The following GREB1L variants were observed in gnomAD, a reference collection of about 807,000 sequenced individuals.
The protein encoded by GREB1L is GREB1-like protein.
In GREB1L, 17 loss-of-function variants were observed where a neutral mutation model predicts 200.8. The observed-to-expected ratio is 0.08, with a 90% CI of 0.06 to 0.13. GREB1L has a LOEUF of 0.13. GREB1L is among the 10% of genes least tolerant of loss of function. The pLI, the probability that GREB1L is intolerant of heterozygous loss-of-function variation, is 1.00. For synonymous variants in GREB1L, 789 were observed against 893.0 expected (o/e 0.88, Z 2.08); for missense variants, 1,657 against 2,367.7 (o/e 0.70, Z 6.23).
At position 21,242,364 on chromosome 18, in the gene GREB1L, T is replaced by A. The variant is rs1426489716; in HGVS notation, c.-149T>A. On this transcript the variant is annotated 5_prime_UTR_variant, in exon 1 of 33. Coordinates refer to ENST00000424526, the MANE Select transcript of GREB1L (RefSeq NM_001142966.3). ...GGCCGAGCCGAGGGCCACCCCCTGG[T>A]CCTCTGCCCTCGCGCCCCGCTAGGG... The A allele has an allele frequency of 6.6e-6, 1 of 151,840 alleles. No homozygotes were observed. Among genetic ancestry groups the A allele is most frequent in the Non-Finnish European group, 1.5e-5 (1 of 67,990 alleles). 9.4% of individuals were successfully genotyped at this position (151,840 alleles called of 1,614,324 possible). A position where few individuals can be genotyped will look rare whatever the true frequency, so the allele number is the denominator to read the frequency against.
chr18:21,383,060 GCCTTTTTC>G (rs2040390177), intron 2 of GREB1L, among the ~76,000 whole-genome samples: 1 of 151,984 alleles, frequency 6.6e-6, no homozygotes, highest in South Asian at 2.1e-4. Context: ...CCAGAAGAGA[GCCTTTTTC>G]CCCCATCTAG....
chr18:21,480,500 C>A (rs1203242077), intron 17 of GREB1L, among the ~76,000 whole-genome samples: 1 of 151,966 alleles, frequency 6.6e-6, no homozygotes, highest in Non-Finnish European at 1.5e-5. Flanking sequence ...GAAATCATCC[C>A]TGAAATTGAG....
At chr18:21,284,255 A>G (rs554593268) in intron 1 of GREB1L, among the ~76,000 whole-genome samples, 4 of 152,252 alleles carry the variant, frequency 2.6e-5, no homozygotes, top group Non-Finnish European at 5.9e-5. Context: ...ACAGAGTTGC[A>G]CAACCATGAT....
intron 1 of GREB1L, among the ~76,000 whole-genome samples, chr18:21,338,359 T>C (rs1446426647): frequency 6.6e-6 from 1 of 152,264 alleles, no homozygotes; most frequent in African/African-American, 2.4e-5. Flanking sequence ...GAGTGTTTCA[T>C]TGGCCACACC....
intron 1 of GREB1L, among the ~76,000 whole-genome samples, chr18:21,314,359 C>A (rs1473708020): frequency 6.6e-6 from 1 of 152,010 alleles, no homozygotes; most frequent in Non-Finnish European, 1.5e-5. Context: ...AGCGTGGAAA[C>A]TTTCACAGTT....
intron 31 of GREB1L, 65 bp from the exon 32 acceptor site, chr18:21,520,623 T>C: frequency 1.3e-6 from 2 of 1,515,422 alleles, no homozygotes; most frequent in African/African-American, 1.4e-5. Context: ...TGAGTCATTC[T>C]GCTGAACTGC....
intron 1 of GREB1L, among the ~76,000 whole-genome samples, chr18:21,262,610 T>G (rs1481355801): frequency 6.6e-6 from 1 of 152,178 alleles, no homozygotes; most frequent in Non-Finnish European, 1.5e-5. Flanking sequence ...TAACAAAAAT[T>G]TTATGTTTCT....
intron 7 of GREB1L, among the ~76,000 whole-genome samples, chr18:21,414,307 A>C (rs1427699263): frequency 2.0e-5 from 3 of 152,194 alleles, no homozygotes; most frequent in Non-Finnish European, 4.4e-5. Context: ...TAAAAAGATA[A>C]TGTGGATAAA....
intron 1 of GREB1L, among the ~76,000 whole-genome samples, chr18:21,299,757 T>C (rs751984705): frequency 4.6e-5 from 7 of 152,212 alleles, no homozygotes; most frequent in Non-Finnish European, 8.8e-5. Flanking sequence ...CGCCCTTTCT[T>C]GGAATTCTGA....
chr18:21,384,754 T>A (rs867707407), intron 4 of GREB1L, among the ~76,000 whole-genome samples: 2 of 152,070 alleles, frequency 1.3e-5, no homozygotes, highest in Non-Finnish European at 2.9e-5. Context: ...AGGACTTTTT[T>A]AGTATTCCCT....
intron 1 of GREB1L, among the ~76,000 whole-genome samples, chr18:21,285,293 T>C (rs1255191014): frequency 6.6e-6 from 1 of 152,206 alleles, no homozygotes; most frequent in Non-Finnish European, 1.5e-5. Flanking sequence ...GTGATTTGTG[T>C]CTAAGAAACC....
At chr18:21,518,497 A>G (rs759219088) in intron 31 of GREB1L, among the ~76,000 whole-genome samples, 18 of 152,234 alleles carry the variant, frequency 1.2e-4, no homozygotes, top group Non-Finnish European at 2.6e-4. Flanking sequence ...CAAATGAGCC[A>G]GAGAATATAC....
chr18:21,390,751 G>T (rs780548865), intron 4 of GREB1L, among the ~76,000 whole-genome samples: 2 of 152,066 alleles, frequency 1.3e-5, no homozygotes, highest in Non-Finnish European at 2.9e-5. Context: ...TGGCCAGGAT[G>T]GTCTCAATCT....
chr18:21,404,060 T>C (rs1418388591), intron 7 of GREB1L, 66 bp downstream of exon 7: 1 of 1,354,606 alleles, frequency 7.4e-7, no homozygotes, highest in Non-Finnish European at 1.0e-6. Flanking sequence ...TTTTAAAATA[T>C]ATACTTACTG....
chr18:21,342,530 A>G (rs1177534877), intron 1 of GREB1L, among the ~76,000 whole-genome samples: 1 of 152,212 alleles, frequency 6.6e-6, no homozygotes. Flanking sequence ...GCATTTTACA[A>G]TGCAGGCTCT....
At position 21,518,027 on chromosome 18, in the gene GREB1L, A is replaced by C. The variant is rs1182516614; in HGVS notation, c.5272-7A>C. The C allele has an allele frequency of 4.5e-6, 7 of 1,549,796 alleles. No homozygotes were observed. On this transcript the variant is annotated splice_polypyrimidine_tract_variant and splice_region_variant and intron_variant, in intron 30 of 32. Transcript: ENST00000424526. ...GTTTCCCATGATCATCTCGCCTCTG[A>C]TTTCAGGTGTCAGAGAGCTTAGCAC...
chr18:21,452,347 T>G (rs933944450), intron 14 of GREB1L, 130 bp downstream of exon 14: 18 of 861,498 alleles, frequency 2.1e-5, no homozygotes, highest in Non-Finnish European at 2.9e-5. Context: ...ATTGTCTACA[T>G]GATAAACCTG....
intron 27 of GREB1L, among the ~76,000 whole-genome samples, chr18:21,509,945 G>A (rs979552528): frequency 2.1e-4 from 32 of 151,974 alleles, no homozygotes; most frequent in Admixed American, 9.8e-4. Context: ...GGTAGCTTAC[G>A]CCTGTAATCC....
intron 1 of GREB1L, among the ~76,000 whole-genome samples, chr18:21,346,649 A>G (rs1297411476): frequency 1.3e-5 from 2 of 152,086 alleles, no homozygotes; most frequent in Non-Finnish European, 2.9e-5. Context: ...TTAGGTTTAC[A>G]TTTGTCTGCA....
Sources: gnomAD v4.1 joint callset for allele counts (sites outside exome capture counted in the v4.1 genomes callset) on GRCh38, gnomAD v4.1.1 for gene constraint, MANE v1.5 for transcripts, NCBI Gene and HGNC (gene_info 2026-07-23, HGNC 2026-07-21) for gene names.